SLC12A7: variants seen among roughly 807,000 people sequenced by gnomAD.
SLC12A7 encodes solute carrier family 12 member 7.
In SLC12A7, 100 loss-of-function variants were observed where a neutral mutation model predicts 120.6. The observed-to-expected ratio is 0.83, with a 90% confidence interval of 0.71 to 0.98. The LOEUF is 0.98. Ranked by LOEUF, SLC12A7 falls within the 50% of genes least tolerant of loss-of-function variation. SLC12A7 has a pLI of 0.00. For missense variants in SLC12A7, 1,373 were observed against 1,548.1 expected, an observed-to-expected ratio of 0.89 and a Z score of 1.90; for synonymous variants, 760 against 678.0, an observed-to-expected ratio of 1.12 and a Z score of -1.88.
At chr5:1,137,164 C>G in the SLC12A7 span, among the ~76,000 whole-genome samples, 1 of 152,182 alleles carries the variant, frequency 6.6e-6, no homozygotes, top group South Asian at 2.1e-4. Flanking sequence ...GTTTTCACCC[C>G]CTCAAGCTCA....
Position 1,063,916 on chromosome 5 carries a change from G to T in SLC12A7, c.2667C>A (p.Ile889=), listed in dbSNP as rs964721519. 3.7e-6 allele frequency: 6 copies of T among 1,612,462 alleles called. No individual in the cohort carries two copies. In the Admixed American group the frequency reaches 1.0e-4, roughly 27 times the overall value. The change falls in exon 20 of 24, where the codon ATC becomes ATA. Residue 889 remains isoleucine (I), a synonymous_variant. Transcript: ENST00000264930. ...ACATCTGCAGGTCCTTCTTCATCTG[G>T]ATGCTGTTGTCGTCCACCTGGGCCA... The part of the protein sequence containing the change: ...FTVAQVDDNS[I]QMKKDLQMFL...
the SLC12A7 span, among the ~76,000 whole-genome samples, chr5:1,120,387 G>T: frequency 2.0e-5 from 3 of 152,226 alleles, no homozygotes; most frequent in Non-Finnish European, 4.4e-5. Context: ...GGACAAGAGG[G>T]CAAAGACTTG....
the SLC12A7 span, among the ~76,000 whole-genome samples, chr5:1,144,751 G>A: frequency 6.6e-6 from 1 of 152,254 alleles, no homozygotes; most frequent in Non-Finnish European, 1.5e-5. Context: ...TACAGGCAAG[G>A]AAGCAAAGAC....
At chr5:1,052,502 G>A (rs540895744) in intron 23 of SLC12A7, 51 bp from the exon 24 acceptor site, 1 of 1,474,338 alleles carries the variant, frequency 6.8e-7, no homozygotes, top group Non-Finnish European at 9.5e-7. Context: ...AGCGTGTGTA[G>A]CTGAAATCGT....
chr5:1,105,836 A>G (rs1248783871), intron 1 of SLC12A7, among the ~76,000 whole-genome samples: 2 of 152,070 alleles, frequency 1.3e-5, no homozygotes, highest in African/African-American at 2.4e-5. Context: ...AGCCCAGCCC[A>G]CTGCCCTGAA....
chr5:1,094,939 G>A (rs1228383390), intron 1 of SLC12A7, among the ~76,000 whole-genome samples: 5 of 152,008 alleles, frequency 3.3e-5, no homozygotes, highest in African/African-American at 1.2e-4. Context: ...TTGGTGGGGA[G>A]GAGGACTTGA....
At chr5:1,093,776 A>G in intron 2 of SLC12A7, 121 bp from the exon 3 acceptor site, 1 of 1,429,364 alleles carries the variant, frequency 7.0e-7, no homozygotes, top group South Asian at 1.3e-5. Flanking sequence ...CTGGGTCTGA[A>G]GCAAGCCAGA....
Position 1,064,172 on chromosome 5 carries a change from G to A in SLC12A7, c.2518C>T (p.Arg840Cys), listed in dbSNP as rs781490697. Residue 840 changes from arginine (R) to cysteine (C), a missense_variant, in exon 19 of 24, where the codon CGC becomes TGC. Coordinates refer to ENST00000264930, the MANE Select transcript of SLC12A7 (RefSeq NM_006598.3). ...ACGTCGATGTGGCCCCCGCCGAAGC[G>A]CTCCTGGTTTTGCGGAAACGAGTCG... ...NVDSFPQNQE[R>C]FGGGHIDVWW... is the part of the protein sequence containing the mutation. The A allele has an allele frequency of 3.2e-5, 52 of 1,612,254 alleles. No individual in the cohort carries two copies. Among genetic ancestry groups the A allele is most frequent in the Middle Eastern group, 1.6e-4 (1 of 6,080 alleles).
chr5:1,144,882 C>A, the SLC12A7 span, among the ~76,000 whole-genome samples: 8 of 152,248 alleles, frequency 5.3e-5, no homozygotes, highest in Admixed American at 4.6e-4. Context: ...AGGGATGACA[C>A]CAATGTGGCT....
intron 6 of SLC12A7, 89 bp downstream of exon 6, chr5:1,086,814 T>C: frequency 6.5e-7 from 1 of 1,530,024 alleles, no homozygotes; most frequent in South Asian, 1.2e-5. Flanking sequence ...CTCAGTGTGC[T>C]GTGTGTGCCA....
chr5:1,073,449 G>A (rs1310988188), intron 17 of SLC12A7, among the ~76,000 whole-genome samples, 184 bp downstream of exon 17: 2 of 152,240 alleles, frequency 1.3e-5, no homozygotes, highest in Admixed American at 6.5e-5. Context: ...AGCTTCCCGG[G>A]GTGCGGCTGG....
intron 1 of SLC12A7, among the ~76,000 whole-genome samples, chr5:1,098,165 C>T (rs1431685424): frequency 2.9e-5 from 4 of 136,434 alleles, no homozygotes; most frequent in Admixed American, 7.7e-5. Flanking sequence ...AAGCCCAGCC[C>T]CCCTCTAACC....
the SLC12A7 span, among the ~76,000 whole-genome samples, chr5:1,146,332 C>T: frequency 2.0e-5 from 3 of 149,428 alleles, no homozygotes; most frequent in Non-Finnish European, 4.5e-5. This position sits in a 1 kb window ranked among gnomAD's most constrained non-coding sequence, Gnocchi z 6.5. Flanking sequence ...GAGGTGACCA[C>T]CTGGGCCAGT....
chr5:1,077,744 CCA>C (rs879865662), intron 12 of SLC12A7, 87 bp downstream of exon 12: 542 of 1,348,002 alleles, frequency 4.0e-4, no homozygotes, highest in Non-Finnish European at 5.3e-4. Flanking sequence ...GGCATGCGTC[CCA>C]CACACGGCAC....
At position 1,052,327 on chromosome 5, in the gene SLC12A7, G is replaced by T. The variant is rs757194885; in HGVS notation, c.*33C>A. On this transcript the variant is annotated 3_prime_UTR_variant, in exon 24 of 24. Coordinates refer to ENST00000264930, the MANE Select transcript of SLC12A7 (RefSeq NM_006598.3). Reference sequence around the variant, plus strand: ...CCAGGCTGCCCACGCCGTCCTCCGTGCCTGTCCCAGAGTGCCGTGATGCTG... The same window carrying T: ...CCAGGCTGCCCACGCCGTCCTCCGTTCCTGTCCCAGAGTGCCGTGATGCTG... The T allele has an allele frequency of 1.3e-6, 2 of 1,580,540 alleles. No individual in the cohort carries two copies. The highest frequency in any genetic ancestry group is 8.7e-7 in the Non-Finnish European group (1 of 1,150,652).
upstream of SLC12A7, among the ~76,000 whole-genome samples, chr5:1,115,717 C>T (rs866829814): frequency 1.2e-4 from 19 of 152,064 alleles, no homozygotes; most frequent in African/African-American, 3.9e-4. Context: ...CAGAAAGCCA[C>T]CCGCCTTCTG....
chr5:1,109,195 GCCAGCCCTCCTTTC>G (rs1356626064), intron 1 of SLC12A7, among the ~76,000 whole-genome samples: 1 of 152,130 alleles, frequency 6.6e-6, no homozygotes, highest in Non-Finnish European at 1.5e-5. Flanking sequence ...CGGGGCACTG[GCCAGCCCTCCTTTC>G]CCACCCCTCC....
chr5:1,114,936 G>A (rs1424806303), upstream of SLC12A7, among the ~76,000 whole-genome samples: 2 of 152,214 alleles, frequency 1.3e-5, no homozygotes, highest in African/African-American at 4.8e-5. Flanking sequence ...TGGCCATCTG[G>A]ATAATGGTGC....
intron 22 of SLC12A7, among the ~76,000 whole-genome samples, chr5:1,056,164 G>A (rs73026795): frequency 0.081 from 12,265 of 152,240 alleles, 1,248 homozygotes; most frequent in African/African-American, 0.23. Context: ...CTCTCCGCCT[G>A]GAGGCTGGAC....
Sources: allele counts gnomAD v4.1 joint callset (sites outside exome capture counted in the v4.1 genomes callset), GRCh38; gene constraint gnomAD v4.1.1; non-coding constraint Gnocchi (gnomAD v3.1); transcripts MANE v1.5; gene names NCBI Gene and HGNC (gene_info 2026-07-23, HGNC 2026-07-21).